FHOD3: variants seen among roughly 807,000 people sequenced by gnomAD.
The protein encoded by FHOD3 is formin homology 2 domain containing 3.
A neutral mutation model predicts 173.0 loss-of-function variants in FHOD3; 90 were observed. The observed-to-expected ratio is 0.52, with a 90% CI of 0.44 to 0.62. The LOEUF is 0.62. Ranked by LOEUF, FHOD3 falls within the 20% of genes least tolerant of loss-of-function variation. The pLI is 0.00. For synonymous variants in FHOD3, 828 were observed against 823.0 expected, an observed-to-expected ratio of 1.01 and a Z score of -0.10; for missense variants, 1,945 against 2,034.7, an observed-to-expected ratio of 0.96 and a Z score of 0.85.
intron 3 of FHOD3, among the ~76,000 whole-genome samples, chr18:36,425,608 G>A (rs557344115): frequency 4.6e-5 from 7 of 152,100 alleles, no homozygotes; most frequent in African/African-American, 1.4e-4. Context: ...CAACAGTGGC[G>A]CTTGACTCCA....
chr18:36,617,117 A>C (rs1016884734), intron 9 of FHOD3, among the ~76,000 whole-genome samples: 1 of 152,266 alleles, frequency 6.6e-6, no homozygotes, highest in Non-Finnish European at 1.5e-5. Context: ...AGCCAGGGAC[A>C]TCCTGCTAAG....
intron 3 of FHOD3, among the ~76,000 whole-genome samples, chr18:36,373,215 G>A (rs578251618): frequency 1.3e-5 from 2 of 152,326 alleles, no homozygotes; most frequent in Admixed American, 6.5e-5. Flanking sequence ...AAACATATTT[G>A]TGGTTCAGAA....
At chr18:36,501,110 G>A (rs1456800728) in intron 3 of FHOD3, among the ~76,000 whole-genome samples, 1 of 152,170 alleles carries the variant, frequency 6.6e-6, no homozygotes, top group African/African-American at 2.4e-5. Flanking sequence ...CCTTCTTCCT[G>A]AGGCCTGGTC....
At chr18:36,711,124 T>C (rs2040147955) in intron 18 of FHOD3, 1 of 152,226 alleles carries the variant, frequency 6.6e-6, no homozygotes, top group Admixed American at 6.5e-5. Context: ...GCAATGATTT[T>C]TCTGCTTTGC....
At chr18:36,658,819 G>A (rs1308179644) in intron 14 of FHOD3, among the ~76,000 whole-genome samples, 1 of 152,196 alleles carries the variant, frequency 6.6e-6, no homozygotes, top group Non-Finnish European at 1.5e-5. Flanking sequence ...GAGAAGACTG[G>A]TTAGGATTCC....
At chr18:36,365,121 G>A (rs1486912652) in intron 2 of FHOD3, among the ~76,000 whole-genome samples, 1 of 152,174 alleles carries the variant, frequency 6.6e-6, no homozygotes, top group East Asian at 1.9e-4. Context: ...ATAGTCCTAA[G>A]TGTAAGGGCC....
chr18:36,760,509 A>G (rs1385981692), intron 26 of FHOD3, 99 bp from the exon 27 acceptor site: 4 of 1,165,580 alleles, frequency 3.4e-6, no homozygotes, highest in African/African-American at 1.6e-5. Context: ...ACAAAACAAG[A>G]CAGAGGAGAG....
At chr18:36,476,005 C>G (rs2053554995) in intron 3 of FHOD3, among the ~76,000 whole-genome samples, 1 of 152,090 alleles carries the variant, frequency 6.6e-6, no homozygotes, top group Non-Finnish European at 1.5e-5. Context: ...AAAGATTGGT[C>G]AAGAAATGTA....
chr18:36,481,606 C>G (rs747957506), intron 3 of FHOD3, among the ~76,000 whole-genome samples: 2 of 152,078 alleles, frequency 1.3e-5, no homozygotes, highest in Non-Finnish European at 2.9e-5. Context: ...ACAGATACCA[C>G]GCAGACATTT....
At chr18:36,741,305 A>T (rs1428857355) in intron 21 of FHOD3, among the ~76,000 whole-genome samples, 1 of 152,222 alleles carries the variant, frequency 6.6e-6, no homozygotes, top group African/African-American at 2.4e-5. Flanking sequence ...AGAAAGCTTG[A>T]GGAGGCTCCT....
chr18:36,419,217 G>A (rs573318836), intron 3 of FHOD3, among the ~76,000 whole-genome samples: 3 of 151,808 alleles, frequency 2.0e-5, no homozygotes, highest in African/African-American at 7.2e-5. Context: ...CTTCTCCTTG[G>A]TCAGAGGGTA....
chr18:36,404,109 G>C (rs1414403153), intron 3 of FHOD3, among the ~76,000 whole-genome samples: 1 of 152,222 alleles, frequency 6.6e-6, no homozygotes, highest in African/African-American at 2.4e-5. Flanking sequence ...TGCTCCCTGA[G>C]GGTTTGGGCA....
intron 5 of FHOD3, among the ~76,000 whole-genome samples, chr18:36,551,195 A>C (rs1240513198): frequency 6.6e-6 from 1 of 152,178 alleles, no homozygotes; most frequent in Admixed American, 6.5e-5. Context: ...AGTGAACCAC[A>C]TTGTTTATTT....
At chr18:36,454,471 C>T (rs1055333399) in intron 3 of FHOD3, among the ~76,000 whole-genome samples, 1 of 152,170 alleles carries the variant, frequency 6.6e-6, no homozygotes, top group Non-Finnish European at 1.5e-5. Context: ...AAGATGATGT[C>T]AATATTGCTC....
intron 1 of FHOD3, among the ~76,000 whole-genome samples, chr18:36,312,548 C>T (rs2092284554): frequency 6.6e-6 from 1 of 152,162 alleles, no homozygotes; most frequent in South Asian, 2.1e-4. Context: ...AGGAGCATTG[C>T]CAGCCAGTTG....
chr18:36,561,104 C>G (rs1360908607), intron 5 of FHOD3, among the ~76,000 whole-genome samples: 1 of 152,028 alleles, frequency 6.6e-6, no homozygotes, highest in East Asian at 1.9e-4. Context: ...TTTCTAGCTC[C>G]TATTAAGAAT....
intron 3 of FHOD3, among the ~76,000 whole-genome samples, chr18:36,408,503 A>G (rs1357797194): frequency 1.3e-5 from 2 of 152,076 alleles, no homozygotes; most frequent in Admixed American, 1.3e-4. Context: ...GGTACAGGGG[A>G]AGGGCTGTCT....
At chr18:36,515,861 C>A (rs2055943012) in intron 5 of FHOD3, among the ~76,000 whole-genome samples, 1 of 152,212 alleles carries the variant, frequency 6.6e-6, no homozygotes, top group Non-Finnish European at 1.5e-5. Flanking sequence ...TGCAAGACAT[C>A]CTTCTTTCCA....
chr18:36,346,977 C>T (rs753045492), intron 1 of FHOD3, among the ~76,000 whole-genome samples: 3 of 152,206 alleles, frequency 2.0e-5, no homozygotes, highest in Non-Finnish European at 4.4e-5. Context: ...AGGCAACAAA[C>T]TCATTGTGCT....
Sources: allele counts gnomAD v4.1 joint callset (sites outside exome capture counted in the v4.1 genomes callset), GRCh38; gene constraint gnomAD v4.1.1; transcripts MANE v1.5; gene names NCBI Gene and HGNC (gene_info 2026-07-23, HGNC 2026-07-21).